ADCK1: variants seen among roughly 807,000 people sequenced by gnomAD.
The protein encoded by ADCK1 is aarF domain containing kinase 1.
ADCK1 carries 41 observed loss-of-function variants against 52.3 expected under a neutral mutation model. The ratio of observed to expected loss-of-function variants is 0.78; its 90% CI spans 0.61 to 1.02. The LOEUF is 1.02. Ranked by LOEUF, ADCK1 falls within the 50% of genes least tolerant of loss-of-function variation. The pLI is 0.00. For synonymous variants in ADCK1, 250 were observed against 274.6 expected (o/e 0.91, Z 0.89); for missense variants, 658 against 679.5 (o/e 0.97, Z 0.35).
chr14:77,833,183 G>A (rs116211937), intron 3 of ADCK1, among the ~76,000 whole-genome samples: 1,859 of 152,314 alleles, frequency 0.012, 36 homozygotes, highest in African/African-American at 0.043. Flanking sequence ...CAGGCAAGGT[G>A]GGCATGTTCA....
intron 7 of ADCK1, chr14:77,908,138 C>T: frequency 2.3e-6 from 1 of 429,664 alleles, no homozygotes; most frequent in Non-Finnish European, 4.2e-6. Context: ...CATGCTGAAC[C>T]CCTTCTGCCA....
Position 77,931,677 on chromosome 14 carries a change from A to C in ADCK1, c.1366A>C (p.Asn456His), listed in dbSNP as rs904867171. 1.6e-5 allele frequency: 26 copies of C among 1,607,112 alleles called. No homozygotes were observed. The highest frequency in any genetic ancestry group is 2.1e-5 in the Non-Finnish European group (25 of 1,179,976). Reference sequence around the variant, plus strand: ...CCGCGCCAGCGCCAGCTCCTTTCTCAACATGTCACGTTGCTGCATCAGAGC... The same window carrying C: ...CCGCGCCAGCGCCAGCTCCTTTCTCCACATGTCACGTTGCTGCATCAGAGC... ...GTRASASSFL[N>H]MSRCCIRALA... Residue 456 changes from asparagine (N) to histidine (H), a missense_variant, in exon 10 of 11, where the codon AAC (asparagine) becomes CAC (histidine). Transcript: ENST00000238561.
intron 4 of ADCK1, among the ~76,000 whole-genome samples, chr14:77,875,984 A>G (rs1327835807): frequency 6.6e-6 from 1 of 152,212 alleles, no homozygotes; most frequent in African/African-American, 2.4e-5. Flanking sequence ...GCAAAAGACT[A>G]AAAATGGACT....
intron 3 of ADCK1, among the ~76,000 whole-genome samples, chr14:77,844,172 T>C (rs1326668717): frequency 6.6e-6 from 1 of 151,974 alleles, no homozygotes; most frequent in Non-Finnish European, 1.5e-5. Flanking sequence ...GTTCAAGCAA[T>C]TGGGTTCAAG....
intron 2 of ADCK1, among the ~76,000 whole-genome samples, chr14:77,820,544 A>C (rs1437908460): frequency 6.6e-6 from 1 of 151,156 alleles, no homozygotes; most frequent in Non-Finnish European, 1.5e-5. Flanking sequence ...GTTGCCCAGG[A>C]TTGTCTTAAA....
At chr14:77,842,021 T>C (rs913894716) in intron 3 of ADCK1, among the ~76,000 whole-genome samples, 1 of 151,546 alleles carries the variant, frequency 6.6e-6, no homozygotes, top group African/African-American at 2.4e-5. Context: ...AGCCCAGGAG[T>C]TCAAGGCTGC....
chr14:77,827,573 T>C, intron 3 of ADCK1, among the ~76,000 whole-genome samples: 1 of 152,020 alleles, frequency 6.6e-6, no homozygotes, highest in Non-Finnish European at 1.5e-5. Context: ...TTTCTTTTTC[T>C]TTTTTTCTAT....
At chr14:77,914,624 C>G (rs2083874720) in intron 7 of ADCK1, 1 of 980,996 alleles carries the variant, frequency 1.0e-6, no homozygotes, top group Admixed American at 6.2e-5. Context: ...GTTAGGGCCC[C>G]TGAGATTGTG....
chr14:77,915,573 T>C (rs940996048), intron 7 of ADCK1, among the ~76,000 whole-genome samples: 2 of 152,066 alleles, frequency 1.3e-5, no homozygotes, highest in Non-Finnish European at 2.9e-5. Context: ...TGGAATACTA[T>C]GCAGCCATAA....
intron 10 of ADCK1, 119 bp downstream of exon 10, chr14:77,931,830 C>T (rs2084348223): frequency 9.6e-7 from 1 of 1,040,390 alleles, no homozygotes; most frequent in Non-Finnish European, 1.4e-6. Context: ...TTCCCAATCT[C>T]CAGATATCCC....
In ADCK1 at chr14:77,933,552, C is replaced by T. The variant is rs1595115773; in HGVS notation, c.*161C>T. 6.1e-6 allele frequency: 5 copies of T among 813,034 alleles called. No homozygotes were observed. The highest frequency in any genetic ancestry group is 5.1e-5 in the East Asian group (2 of 39,498). The allele number at this position is 813,034 out of a possible 1,614,324, so 50.4% of individuals were successfully genotyped here. A position where few individuals can be genotyped will look rare whatever the true frequency, so the allele number is the denominator to read the frequency against. Reference sequence around the variant, plus strand: ...CCTCCTTTGGAATCCTCTCCGCACACTGTGGCCCTTGTCTCAGGGCCCACA... The same window carrying T: ...CCTCCTTTGGAATCCTCTCCGCACATTGTGGCCCTTGTCTCAGGGCCCACA... On this transcript the variant is annotated 3_prime_UTR_variant, in exon 11 of 11. Transcript: ENST00000238561.
chr14:77,869,029 G>C (rs1376602025), intron 4 of ADCK1, among the ~76,000 whole-genome samples: 1 of 152,104 alleles, frequency 6.6e-6, no homozygotes, highest in Admixed American at 6.5e-5. Context: ...TGAAGGGTGG[G>C]TAAGATTTGA....
chr14:77,860,739 A>G (rs919352018), intron 4 of ADCK1, among the ~76,000 whole-genome samples: 1 of 152,202 alleles, frequency 6.6e-6, no homozygotes, highest in African/African-American at 2.4e-5. Flanking sequence ...TGGCCCACTC[A>G]TGGCTTTGCC....
intron 4 of ADCK1, among the ~76,000 whole-genome samples, chr14:77,865,534 G>A (rs1485122717): frequency 6.6e-6 from 1 of 152,132 alleles, no homozygotes; most frequent in East Asian, 1.9e-4. Flanking sequence ...AGTAATGCTT[G>A]GCCCAGTATC....
intron 3 of ADCK1, among the ~76,000 whole-genome samples, chr14:77,834,243 G>C (rs183746673): frequency 1.4e-4 from 21 of 152,120 alleles, no homozygotes; most frequent in Admixed American, 1.2e-3. Context: ...TTACAGGTTT[G>C]ATTTTCTCTC....
intron 5 of ADCK1, among the ~76,000 whole-genome samples, chr14:77,887,809 C>T (rs1421229360): frequency 1.3e-5 from 2 of 152,278 alleles, no homozygotes; most frequent in Non-Finnish European, 2.9e-5. Flanking sequence ...AGAGTAAGGG[C>T]GGAAGGTGCT....
At chr14:77,820,163 A>G (rs1594872753) in intron 2 of ADCK1, among the ~76,000 whole-genome samples, 1 of 152,142 alleles carries the variant, frequency 6.6e-6, no homozygotes. Flanking sequence ...GCCTACATGA[A>G]TAGGTTAAAA....
chr14:77,868,921 C>T (rs1194477867), intron 4 of ADCK1, among the ~76,000 whole-genome samples: 1 of 152,128 alleles, frequency 6.6e-6, no homozygotes, highest in African/African-American at 2.4e-5. Flanking sequence ...AATTAGAGAA[C>T]AATTAAGCCC....
Position 77,818,969 on chromosome 14 carries a change from A to T in ADCK1, c.-10A>T. The T allele has an allele frequency of 6.2e-7, 1 of 1,612,842 alleles. No homozygotes were observed. Among genetic ancestry groups the T allele is most frequent in the Non-Finnish European group, 8.5e-7 (1 of 1,179,608 alleles). ...TCTCAACTTTCCTTTTTTCTGCAGG[A>T]TCTGGCGACATGGCCAGAAAGGCTC... is the stretch of plus-strand genomic sequence containing the variant. On this transcript the variant is annotated splice_region_variant and 5_prime_UTR_variant, in exon 2 of 11. Transcript: ENST00000238561.
Sources: allele counts gnomAD v4.1 joint callset (sites outside exome capture counted in the v4.1 genomes callset), GRCh38; gene constraint gnomAD v4.1.1; transcripts MANE v1.5; gene names NCBI Gene and HGNC (gene_info 2026-07-23, HGNC 2026-07-21).